Variants in ZFHX3 observed in about 807,000 individuals in gnomAD.
ZFHX3 encodes zinc finger homeobox 3.
Under a neutral mutation model 279.1 loss-of-function variants are expected in ZFHX3, and 42 were observed. That is an observed-to-expected ratio of 0.15 (90% CI 0.12 to 0.19). The LOEUF (loss-of-function observed/expected upper bound fraction) is 0.19. ZFHX3 is among the 10% of genes least tolerant of loss of function. ZFHX3 has a pLI of 1.00. For synonymous variants in ZFHX3, 2,293 were observed against 1,957.8 expected (o/e 1.17, Z -4.52); for missense variants, 4,981 against 4,754.0 (o/e 1.05, Z -1.40).
chr16:73,006,147 A>G (rs1963694924), intron 1 of ZFHX3: 1 of 152,226 alleles, frequency 6.6e-6, no homozygotes, highest in Non-Finnish European at 1.5e-5. Context: ...TAGGAAAAAG[A>G]AATTAGCAAA....
At chr16:73,348,535 A>G (rs1046505938) in intron 3 of ZFHX3, among the ~76,000 whole-genome samples, 15 of 152,106 alleles carry the variant, frequency 9.9e-5, no homozygotes, top group African/African-American at 3.6e-4. Context: ...TGATGTTTCC[A>G]CGGGCGTTTC....
intron 3 of ZFHX3, among the ~76,000 whole-genome samples, chr16:73,413,761 GC>G (rs1447595137): frequency 1.3e-5 from 2 of 152,132 alleles, no homozygotes; most frequent in Non-Finnish European, 2.9e-5. Context: ...TTCATGTTAT[GC>G]ATTTGATTTG....
At chr16:73,462,825 T>G (rs1355942545) in intron 2 of ZFHX3, among the ~76,000 whole-genome samples, 1 of 152,190 alleles carries the variant, frequency 6.6e-6, no homozygotes, top group Non-Finnish European at 1.5e-5. Flanking sequence ...GCGAACACTT[T>G]GTTAAAGATT....
chr16:73,125,210 T>G (rs986029399), intron 7 of ZFHX3: 1 of 150,438 alleles, frequency 6.6e-6, no homozygotes, highest in African/African-American at 2.4e-5. Flanking sequence ...TTTTTTTTTT[T>G]TTTTTTTGCT....
chr16:73,739,342 T>C (rs528980144), intron 1 of ZFHX3, among the ~76,000 whole-genome samples: 40 of 152,232 alleles, frequency 2.6e-4, no homozygotes, highest in Non-Finnish European at 5.3e-4. Context: ...TGATTGGCAT[T>C]TTGAGCTGGT....
chr16:73,441,114 T>C (rs987523499), intron 3 of ZFHX3, among the ~76,000 whole-genome samples: 27 of 152,100 alleles, frequency 1.8e-4, no homozygotes, highest in African/African-American at 6.5e-4. Context: ...TTTAGAGGAT[T>C]ACTAATTTAC....
At chr16:73,340,519 G>A (rs1178564068) in intron 3 of ZFHX3, among the ~76,000 whole-genome samples, 1 of 152,190 alleles carries the variant, frequency 6.6e-6, no homozygotes, top group Non-Finnish European at 1.5e-5. Context: ...ATCACGTCCA[G>A]CTACTTTGGT....
intron 1 of ZFHX3, among the ~76,000 whole-genome samples, chr16:73,020,644 G>A (rs1255469254): frequency 1.3e-5 from 2 of 152,204 alleles, no homozygotes; most frequent in Non-Finnish European, 2.9e-5. Flanking sequence ...AAGTGGAACT[G>A]ATCAGTTCAG....
chr16:72,871,052 G>A (rs530083233), intron 4 of ZFHX3, among the ~76,000 whole-genome samples: 38 of 152,276 alleles, frequency 2.5e-4, no homozygotes, highest in African/African-American at 7.9e-4. Flanking sequence ...TTATGAATGC[G>A]AGAGAGAAGT....
At chr16:73,269,103 C>T (rs899259346) in intron 4 of ZFHX3, among the ~76,000 whole-genome samples, 3 of 152,136 alleles carry the variant, frequency 2.0e-5, no homozygotes, top group Non-Finnish European at 2.9e-5. Context: ...TAAGAATATA[C>T]CTTCTGTCCT....
intron 3 of ZFHX3, among the ~76,000 whole-genome samples, chr16:73,363,674 A>T (rs1176022211): frequency 1.3e-5 from 2 of 152,152 alleles, no homozygotes; most frequent in African/African-American, 4.8e-5. Context: ...TGGGGCATGG[A>T]TGGATGAATT....
At chr16:73,168,619 C>CGGGGTT (rs1485621522) in intron 5 of ZFHX3, among the ~76,000 whole-genome samples, 1 of 152,158 alleles carries the variant, frequency 6.6e-6, no homozygotes, top group Non-Finnish European at 1.5e-5. Context: ...ATTCTCTTCT[C>CGGGGTT]TCCATTCTCT....
rs1285730783 is a variant in ZFHX3, at chr16:73,106,054, G to C, written c.-896-12456C>G. Among the ~76,000 whole-genome samples the C allele has an allele frequency of 2.6e-5, 4 of 151,248 alleles. No individual in the cohort carries two copies. The East Asian group carries it at 5.9e-4, about 22-fold the overall frequency. ...GCAAAACACAGTTTCAATGTTTCTC[G>C]GAAGCCCTCCTAGACCCCTCCTCCC... On this transcript the variant is annotated intron_variant, in intron 7 of 17. Transcript: ENST00000641206.
chr16:73,401,748 C>T (rs1291089935), intron 3 of ZFHX3: 2 of 152,182 alleles, frequency 1.3e-5, no homozygotes, highest in South Asian at 2.1e-4. Flanking sequence ...CTCCAGCCTA[C>T]GATTTGTCAT....
intron 1 of ZFHX3, among the ~76,000 whole-genome samples, chr16:73,859,923 C>A (rs1458107155): frequency 1.3e-5 from 2 of 152,192 alleles, no homozygotes; most frequent in Non-Finnish European, 2.9e-5. Context: ...CTTTTTCATG[C>A]AGCAGGGGCG....
chr16:73,200,733 T>C (rs1465117814), intron 5 of ZFHX3, among the ~76,000 whole-genome samples: 1 of 152,212 alleles, frequency 6.6e-6, no homozygotes, highest in Non-Finnish European at 1.5e-5. Flanking sequence ...AGAAAGCATC[T>C]GGACCAATTA....
chr16:73,614,768 T>C (rs1353813786), intron 2 of ZFHX3, among the ~76,000 whole-genome samples: 1 of 151,176 alleles, frequency 6.6e-6, no homozygotes, highest in Non-Finnish European at 1.5e-5. Context: ...TCCTTCTTCT[T>C]CTTTTTTTTT....
intron 3 of ZFHX3, among the ~76,000 whole-genome samples, chr16:73,411,913 G>A (rs142621567): frequency 1.1e-3 from 174 of 152,272 alleles, no homozygotes; most frequent in African/African-American, 4.1e-3. Context: ...TCCATGTGTG[G>A]AAATAAGTCT....
intron 3 of ZFHX3, among the ~76,000 whole-genome samples, chr16:73,403,947 T>A (rs1389701368): frequency 6.6e-6 from 1 of 152,062 alleles, no homozygotes; most frequent in African/African-American, 2.4e-5. Context: ...CTTGGGATTT[T>A]TTTTTTCCAG....
Sources: allele counts gnomAD v4.1 joint callset (sites outside exome capture counted in the v4.1 genomes callset), GRCh38; gene constraint gnomAD v4.1.1; transcripts MANE v1.5; gene names NCBI Gene and HGNC (gene_info 2026-07-23, HGNC 2026-07-21).